CXCL13: variants seen among roughly 807,000 people sequenced by gnomAD.
CXCL13 encodes the protein C-X-C motif chemokine ligand 13.
CXCL13 carries 7 observed loss-of-function variants against 12.2 expected under a neutral mutation model. That is an observed-to-expected ratio of 0.57 (90% CI 0.33 to 1.07). CXCL13 has a LOEUF of 1.07. Ranked by LOEUF, CXCL13 falls within the 50% of genes least tolerant of loss-of-function variation. The pLI, the probability that CXCL13 is intolerant of heterozygous loss-of-function variation, is 0.04. For missense variants in CXCL13, 113 were observed against 127.4 expected, an observed-to-expected ratio of 0.89 and a Z score of 0.55; for synonymous variants, 47 against 42.4, an observed-to-expected ratio of 1.11 and a Z score of -0.42.
intron 1 of CXCL13, among the ~76,000 whole-genome samples, chr4:77,522,117 GCTTTA>G (rs1724616431): frequency 6.6e-6 from 1 of 152,168 alleles, no homozygotes; most frequent in Admixed American, 6.6e-5. Context: ...GCTGAGGAGT[GCTTTA>G]CTTCCAACTA....
At chr4:77,543,191 G>A (rs569210217) in intron 1 of CXCL13, among the ~76,000 whole-genome samples, 3 of 152,128 alleles carry the variant, frequency 2.0e-5, no homozygotes, top group South Asian at 2.1e-4. Context: ...TTGTATTTCT[G>A]TGAGATTGGT....
intron 1 of CXCL13, among the ~76,000 whole-genome samples, chr4:77,528,534 A>G (rs1445213922): frequency 6.6e-6 from 1 of 152,192 alleles, no homozygotes; most frequent in African/African-American, 2.4e-5. Flanking sequence ...GCCACTGATG[A>G]TGAGCATTTT....
intron 3 of CXCL13, 57 bp downstream of exon 3, chr4:77,610,751 T>G: frequency 2.2e-6 from 3 of 1,338,306 alleles, no homozygotes; most frequent in Non-Finnish European, 3.2e-6. Context: ...GAGTTTCCCT[T>G]TCCTGGGCAG....
In CXCL13 at chr4:77,562,594, G is replaced by C. The variant is rs146384400; in HGVS notation, c.-42-43230G>C. 4.8e-3 allele frequency among the ~76,000 whole-genome samples: 680 copies of C among 142,774 alleles called. 19 individuals carry two copies. Among genetic ancestry groups the C allele is most frequent in the East Asian group, 0.027 (137 of 5,160 alleles). 93.7% of individuals were successfully genotyped at this position (142,774 alleles called of 152,430 possible). A position where few individuals can be genotyped will look rare whatever the true frequency, so the allele number is the denominator to read the frequency against. On this transcript the variant is annotated intron_variant, in intron 1 of 4. Transcript: ENST00000286758. ...TTGTAAATACACCAATCAGCACTCT[G>C]TGTCTAGCTCAAGGTTTGTAAACAC...
At chr4:77,550,963 G>A (rs998755837) in intron 1 of CXCL13, among the ~76,000 whole-genome samples, 4 of 151,440 alleles carry the variant, frequency 2.6e-5, no homozygotes, top group African/African-American at 4.8e-5. Context: ...GCCCTTTTTT[G>A]TTCTGTTTAC....
rs1020335973 is a variant in CXCL13 at position 77,611,794 on chromosome 4, T to C, written c.*755T>C. ...CTAATTCTTTAATGATTCCTATAAA[T>C]CTAATGACATTCAATAAAGTTGAGC... On this transcript the variant is annotated 3_prime_UTR_variant, in exon 4 of 4. Transcript: ENST00000682537. The C allele has an allele frequency of 2.5e-6, 1 of 398,616 alleles. No homozygotes were observed. Among genetic ancestry groups the C allele is most frequent in the South Asian group, 1.3e-4 (1 of 7,838 alleles). The allele number at this position is 398,616 out of a possible 1,614,324, so 24.7% of individuals were successfully genotyped here.
intron 1 of CXCL13, among the ~76,000 whole-genome samples, chr4:77,589,834 A>C (rs1219265659): frequency 6.6e-6 from 1 of 152,238 alleles, no homozygotes; most frequent in African/African-American, 2.4e-5. Flanking sequence ...CGCATCAATT[A>C]GACAGAGGAA....
intron 1 of CXCL13, among the ~76,000 whole-genome samples, chr4:77,600,308 C>A (rs1429420423): frequency 6.6e-6 from 1 of 152,038 alleles, no homozygotes. Context: ...GAGAAAAGAG[C>A]AAAGCAATAT....
chr4:77,611,596 C>T lies in CXCL13; in HGVS notation c.*557C>T. On this transcript the variant is annotated 3_prime_UTR_variant, in exon 4 of 4. Coordinates refer to ENST00000682537, the MANE Select transcript of CXCL13 (RefSeq NM_001371558.1). ...AGAATTTCTTTATAAAATTTACTGT[C>T]TAAGATTAATAGCATTCGAAGATCC... is the stretch of plus-strand genomic sequence containing the variant. 2.5e-6 allele frequency: 1 copy of T among 397,996 alleles called. No individual in the cohort carries two copies. The highest frequency in any genetic ancestry group is 4.4e-6 in the Non-Finnish European group (1 of 226,018). 24.7% of individuals were successfully genotyped at this position (397,996 alleles called of 1,614,324 possible). A position where few individuals can be genotyped will look rare whatever the true frequency, so the allele number is the denominator to read the frequency against.
chr4:77,559,589 C>T (rs1405519685), intron 1 of CXCL13, among the ~76,000 whole-genome samples: 1 of 147,778 alleles, frequency 6.8e-6, no homozygotes. Context: ...ACTAAATATG[C>T]CGTGTGTGTG....
chr4:77,551,440 A>G (rs1219944890), intron 1 of CXCL13, among the ~76,000 whole-genome samples: 4 of 152,190 alleles, frequency 2.6e-5, no homozygotes, highest in Non-Finnish European at 1.5e-5. Flanking sequence ...GAATCCTGAA[A>G]ATAGGCCACC....
intron 1 of CXCL13, among the ~76,000 whole-genome samples, chr4:77,555,791 A>C (rs955542043): frequency 2.0e-5 from 3 of 152,182 alleles, no homozygotes; most frequent in African/African-American, 7.2e-5. Context: ...TAATGAAGAC[A>C]ACACAGTTTT....
chr4:77,554,188 A>G (rs1461632768), intron 1 of CXCL13, among the ~76,000 whole-genome samples: 1 of 152,048 alleles, frequency 6.6e-6, no homozygotes, highest in African/African-American at 2.4e-5. Flanking sequence ...TGTGTGCTCT[A>G]TTTTTTTGGC....
At chr4:77,561,172 TA>T (rs1262029274) in intron 1 of CXCL13, among the ~76,000 whole-genome samples, 4 of 152,232 alleles carry the variant, frequency 2.6e-5, no homozygotes, top group African/African-American at 4.8e-5. Flanking sequence ...AGTGAAATTT[TA>T]GAATGGTTTG....
intron 1 of CXCL13, among the ~76,000 whole-genome samples, chr4:77,573,367 T>C (rs907941852): frequency 5.0e-5 from 2 of 40,122 alleles, no homozygotes; most frequent in African/African-American, 2.8e-4. Flanking sequence ...GTCTTTTGTG[T>C]GTGTGTGTGT....
chr4:77,577,849 C>T (rs754214980), intron 1 of CXCL13, among the ~76,000 whole-genome samples: 1 of 152,160 alleles, frequency 6.6e-6, no homozygotes, highest in Non-Finnish European at 1.5e-5. Context: ...TAGCTATTCA[C>T]CTTCAGACTT....
intron 1 of CXCL13, among the ~76,000 whole-genome samples, chr4:77,567,272 C>G (rs181910795): frequency 1.8e-4 from 27 of 152,350 alleles, no homozygotes; most frequent in African/African-American, 5.8e-4. Flanking sequence ...TTTGCTGACT[C>G]TCTTTTCAGA....
chr4:77,587,335 G>A (rs890486178), intron 1 of CXCL13, among the ~76,000 whole-genome samples: 3 of 152,114 alleles, frequency 2.0e-5, no homozygotes, highest in Admixed American at 1.3e-4. Flanking sequence ...GGGATATGAC[G>A]AACTTTCACT....
chr4:77,610,948 C>T, intron 3 of CXCL13, 40 bp from the exon 4 acceptor site: 1 of 1,561,894 alleles, frequency 6.4e-7, no homozygotes. Flanking sequence ...TCTTGTGTTT[C>T]TCTAAACATG....
Sources: allele counts gnomAD v4.1 joint callset (sites outside exome capture counted in the v4.1 genomes callset), GRCh38; gene constraint gnomAD v4.1.1; transcripts MANE v1.5; gene names NCBI Gene and HGNC (gene_info 2026-07-23, HGNC 2026-07-21).